The following SLC9C2 variants were observed in gnomAD, a reference collection of about 807,000 sequenced individuals.
SLC9C2 encodes sodium/hydrogen exchanger 11.
Under a neutral mutation model 140.2 loss-of-function variants are expected in SLC9C2, and 75 were observed. That is an observed-to-expected ratio of 0.53 (90% confidence interval 0.44 to 0.65). The LOEUF is 0.65. Ranked by LOEUF, SLC9C2 falls within the 30% of genes least tolerant of loss-of-function variation. The pLI, the probability that SLC9C2 is intolerant of heterozygous loss-of-function variation, is 0.00. For synonymous variants in SLC9C2, 375 were observed against 420.9 expected (o/e 0.89, Z 1.34); for missense variants, 1,074 against 1,331.8 (o/e 0.81, Z 3.01).
At chr1:173,550,109 G>C (rs1444488388) in intron 11 of SLC9C2, among the ~76,000 whole-genome samples, 18 of 152,160 alleles carry the variant, frequency 1.2e-4, no homozygotes, top group Admixed American at 1.2e-3. Context: ...CTGCAAACAA[G>C]AATAAACCAA....
chr1:173,563,687 T>C (rs746894894), intron 9 of SLC9C2, among the ~76,000 whole-genome samples: 13 of 152,192 alleles, frequency 8.5e-5, no homozygotes, highest in Non-Finnish European at 1.8e-4. Flanking sequence ...CCCTCAAGCA[T>C]TTATCCTTTG....
intron 27 of SLC9C2, among the ~76,000 whole-genome samples, chr1:173,502,505 C>A (rs1223224601): frequency 6.6e-6 from 1 of 152,108 alleles, no homozygotes; most frequent in African/African-American, 2.4e-5. Flanking sequence ...CAGTCATGAG[C>A]CCTGCAGGCT....
chr1:173,573,220 A>G lies in SLC9C2; in HGVS notation c.1008T>C (p.Pro336=). ...CTGTTGTAAATAAAATGAATATGAA[A>G]GGTATAGTGTGAAATTCATAGTGGC... The part of the protein sequence containing the change: ...ELSHYEFHTI[P]FIFILFTTVN... The change falls in exon 9 of 28, where the codon CCT becomes CCC. Residue 336 remains proline (P), a synonymous_variant. Transcript: ENST00000367714. 6.4e-7 allele frequency: 1 copy of G among 1,569,540 alleles called. No individual in the cohort carries two copies. Among genetic ancestry groups the G allele is most frequent in the Non-Finnish European group, 8.7e-7 (1 of 1,145,660 alleles).
chr1:173,579,140 A>C (rs1326932426), intron 7 of SLC9C2, among the ~76,000 whole-genome samples: 4 of 152,312 alleles, frequency 2.6e-5, no homozygotes, highest in Middle Eastern at 3.4e-3. Flanking sequence ...TCATTCATCC[A>C]CACTCTGCAG....
chr1:173,580,933 A>T (rs1210735406), intron 7 of SLC9C2, among the ~76,000 whole-genome samples: 1 of 152,120 alleles, frequency 6.6e-6, no homozygotes, highest in Non-Finnish European at 1.5e-5. Flanking sequence ...ACTAAATTAA[A>T]TTTTTTTCTT....
chr1:173,583,622 C>G lies in SLC9C2; in HGVS notation c.524G>C (p.Gly175Ala), dbSNP rs1330757684. The stretch of plus-strand genomic sequence containing the variant: ...GAGATCAATGTATATTTTAGAAATG[C>G]CTGAAAAAGGAAATACAAAATGTAA... ...LRSVNSLKTI[G>A]ISKIYIDLIR... is the part of the protein sequence containing the mutation. The change falls in exon 6 of 28, where the codon GGC (glycine) becomes GCC (alanine). Residue 175 changes from glycine (G) to alanine (A), a missense_variant and splice_region_variant. Physicochemically the swap from Gly to Ala is moderately conservative, Grantham distance 60. Coordinates refer to ENST00000367714, the MANE Select transcript of SLC9C2 (RefSeq NM_178527.4). 4.1e-6 allele frequency: 6 copies of G among 1,462,858 alleles called. No homozygotes were observed. The East Asian group carries it at 1.4e-4, about 34-fold the overall frequency. 90.6% of individuals were successfully genotyped at this position (1,462,858 alleles called of 1,614,324 possible).
Position 173,503,323 on chromosome 1 carries a change from G to C in SLC9C2, c.3314C>G (p.Ser1105Ter). The C allele has an allele frequency of 6.2e-7, 1 of 1,613,390 alleles. No individual in the cohort carries two copies. Among genetic ancestry groups the C allele is most frequent in the Non-Finnish European group, 8.5e-7 (1 of 1,179,664 alleles). The change falls in exon 27 of 28, where the codon TCA (serine) becomes TGA (stop). Residue 1105 changes from serine (S) to a stop codon, truncating the protein, a stop_gained. Transcript: ENST00000367714. LOFTEE classifies it high-confidence loss of function. The stretch of plus-strand genomic sequence containing the variant: ...TGGTTGTTCAAAGACCGTGTTGACT[G>C]AGGCTAACCAAATCCAAGCATTGAA... The part of the protein sequence containing the change: ...QRNSNTNVMA[S>*]VNTVFEQPGK...
intron 7 of SLC9C2, among the ~76,000 whole-genome samples, chr1:173,580,635 G>A (rs1367119999): frequency 2.0e-5 from 3 of 152,212 alleles, no homozygotes; most frequent in African/African-American, 4.8e-5. Flanking sequence ...TTACAGGCGT[G>A]AGCCACTGCA....
chr1:173,565,800 G>A (rs1438938866), intron 9 of SLC9C2, among the ~76,000 whole-genome samples: 1 of 152,160 alleles, frequency 6.6e-6, no homozygotes, highest in Non-Finnish European at 1.5e-5. Flanking sequence ...ATTTTAGATA[G>A]TATGGACATT....
chr1:173,534,748 T>C (rs996070183), intron 15 of SLC9C2, 66 bp from the exon 16 acceptor site: 1 of 1,236,318 alleles, frequency 8.1e-7, no homozygotes, highest in Non-Finnish European at 1.1e-6. Flanking sequence ...AGTTCAATAT[T>C]TGTTTAAACA....
At chr1:173,574,549 A>G (rs1026518773) in intron 8 of SLC9C2, among the ~76,000 whole-genome samples, 2 of 127,434 alleles carry the variant, frequency 1.6e-5, no homozygotes, top group Admixed American at 9.4e-5. Context: ...TTGCTCTGTC[A>G]CCCAGGCTGG....
chr1:173,534,761 TC>T, intron 15 of SLC9C2, 79 bp from the exon 16 acceptor site: 1 of 1,162,728 alleles, frequency 8.6e-7, no homozygotes, highest in Non-Finnish European at 1.1e-6. Flanking sequence ...TTTAAACAAA[TC>T]ATTAAAATTA....
At chr1:173,530,840 A>G in intron 17 of SLC9C2, among the ~76,000 whole-genome samples, 1 of 152,240 alleles carries the variant, frequency 6.6e-6, no homozygotes, top group East Asian at 1.9e-4. Context: ...ACAAGGGAGA[A>G]GAAAAAAGTG....
chr1:173,587,288 C>T (rs944566991), intron 5 of SLC9C2, among the ~76,000 whole-genome samples: 2 of 152,144 alleles, frequency 1.3e-5, no homozygotes, highest in Non-Finnish European at 2.9e-5. Flanking sequence ...GGAATAGTCT[C>T]TTTAGGGATC....
At chr1:173,536,780 G>A (rs1369584719) in intron 14 of SLC9C2, among the ~76,000 whole-genome samples, 162 bp downstream of exon 14, 1 of 152,178 alleles carries the variant, frequency 6.6e-6, no homozygotes, top group Non-Finnish European at 1.5e-5. Flanking sequence ...CAGATGGATA[G>A]ATGGATGGAA....
intron 11 of SLC9C2, among the ~76,000 whole-genome samples, chr1:173,553,803 C>A (rs4336887): frequency 0.2 from 29,736 of 152,096 alleles, 4,201 homozygotes; most frequent in East Asian, 0.64. Flanking sequence ...TGCAATATCT[C>A]CAAGTTATGC....
At chr1:173,535,783 T>C (rs1553251272) in intron 15 of SLC9C2, 47 bp downstream of exon 15, 1 of 1,449,144 alleles carries the variant, frequency 6.9e-7, no homozygotes, top group Non-Finnish European at 9.2e-7. Flanking sequence ...AATGTAGAAA[T>C]GGTAGTATTT....
chr1:173,555,122 C>T (rs950481793), intron 10 of SLC9C2: 3 of 195,968 alleles, frequency 1.5e-5, no homozygotes, highest in Non-Finnish European at 3.1e-5. Context: ...AAAGACAGCA[C>T]GGTGGTAGCC....
intron 17 of SLC9C2, among the ~76,000 whole-genome samples, chr1:173,530,573 A>T (rs1347169662): frequency 6.6e-6 from 1 of 152,098 alleles, no homozygotes; most frequent in African/African-American, 2.4e-5. Context: ...GACTTAAGAG[A>T]ATGGGATTTT....
Sources: allele counts gnomAD v4.1 joint callset (sites outside exome capture counted in the v4.1 genomes callset), GRCh38; gene constraint gnomAD v4.1.1; transcripts MANE v1.5; gene names NCBI Gene and HGNC (gene_info 2026-07-23, HGNC 2026-07-21).